Variants in PRKCE observed in about 807,000 individuals in gnomAD.
The protein encoded by PRKCE is protein kinase C epsilon.
A neutral mutation model predicts 85.4 loss-of-function variants in PRKCE; 16 were observed. That is an observed-to-expected ratio of 0.19 (90% confidence interval 0.13 to 0.28). PRKCE has a LOEUF of 0.28. Among genes scored for constraint, PRKCE ranks in the 10% least tolerant of loss-of-function variants. The pLI is 1.00. For synonymous variants in PRKCE, 388 were observed against 371.5 expected, an observed-to-expected ratio of 1.04 and a Z score of -0.51; for missense variants, 573 against 975.2, an observed-to-expected ratio of 0.59 and a Z score of 5.49.
At chr2:46,144,133 T>A (rs1173948629) in intron 11 of PRKCE, among the ~76,000 whole-genome samples, 3 of 152,160 alleles carry the variant, frequency 2.0e-5, no homozygotes, top group Admixed American at 6.5e-5. Flanking sequence ...AACCCCAAAG[T>A]GTAAAACAGG....
chr2:45,723,538 C>T (rs1406999777), intron 1 of PRKCE, among the ~76,000 whole-genome samples: 1 of 152,196 alleles, frequency 6.6e-6, no homozygotes, highest in Admixed American at 6.5e-5. Flanking sequence ...ACCGTTCCTT[C>T]TGCCCAGTGT....
At chr2:45,741,319 G>A (rs1204694411) in intron 1 of PRKCE, among the ~76,000 whole-genome samples, 4 of 152,178 alleles carry the variant, frequency 2.6e-5, no homozygotes, top group Middle Eastern at 3.2e-3. Flanking sequence ...TTTTCCTCAT[G>A]GTTGTTTATA....
chr2:46,020,558 A>G (rs1459771618), intron 10 of PRKCE, among the ~76,000 whole-genome samples: 1 of 152,210 alleles, frequency 6.6e-6, no homozygotes, highest in Non-Finnish European at 1.5e-5. Context: ...CAGATTCAAG[A>G]TTCTGGTATT....
chr2:45,988,955 C>G (rs1251213527), intron 6 of PRKCE, among the ~76,000 whole-genome samples: 1 of 152,136 alleles, frequency 6.6e-6, no homozygotes, highest in African/African-American at 2.4e-5. Context: ...GCAGAGACAC[C>G]CAATACCCTT....
At chr2:45,814,416 C>G (rs1382196141) in intron 1 of PRKCE, among the ~76,000 whole-genome samples, 1 of 152,238 alleles carries the variant, frequency 6.6e-6, no homozygotes, top group African/African-American at 2.4e-5. Context: ...CTGATTGCAG[C>G]TGGAGGTCAG....
chr2:45,654,640 C>G (rs1675296166), intron 1 of PRKCE, among the ~76,000 whole-genome samples: 1 of 152,174 alleles, frequency 6.6e-6, no homozygotes, highest in African/African-American at 2.4e-5. Context: ...TCTCTTTTGC[C>G]TTATAGCAAC....
rs1677587946 is a variant in PRKCE, at chr2:46,159,904, T to C, written c.2067+152T>C. The C allele has an allele frequency of 1.1e-6, 1 of 896,842 alleles. No homozygotes were observed. Among genetic ancestry groups the C allele is most frequent in the South Asian group, 1.9e-5 (1 of 53,020 alleles). The allele number at this position is 896,842 out of a possible 1,614,324, so 55.6% of individuals were successfully genotyped here. On this transcript the variant is annotated intron_variant, in intron 14 of 14. Coordinates refer to ENST00000306156, the MANE Select transcript of PRKCE (RefSeq NM_005400.3). The surrounding 1 kb of genome is among the most constrained non-coding windows in gnomAD (Gnocchi z 4.1). ...GTGGCTGAGGCTCTCCCTAAGACAA[T>C]GTCTTTAGGCCCCAAGTGTTTACTA...
chr2:45,837,088 A>G (rs888279664), intron 1 of PRKCE, among the ~76,000 whole-genome samples: 2 of 152,216 alleles, frequency 1.3e-5, no homozygotes, highest in African/African-American at 2.4e-5. Context: ...GTAGGTGTAC[A>G]GATAACCTGT....
intron 10 of PRKCE, among the ~76,000 whole-genome samples, chr2:46,028,857 G>C (rs1001844942): frequency 4.6e-5 from 7 of 152,100 alleles, no homozygotes; most frequent in African/African-American, 1.7e-4. Context: ...TCCCCTCTAT[G>C]TGTCCATGTA....
intron 1 of PRKCE, among the ~76,000 whole-genome samples, chr2:45,825,699 C>T (rs1001080504): frequency 1.3e-5 from 2 of 152,060 alleles, no homozygotes; most frequent in African/African-American, 2.4e-5. Context: ...GCCTGGGTAA[C>T]GTAGCGAGAC....
chr2:45,805,986 C>T (rs757466166), intron 1 of PRKCE, among the ~76,000 whole-genome samples: 32 of 152,338 alleles, frequency 2.1e-4, no homozygotes, highest in South Asian at 4.1e-4. Context: ...TGCCCAAGGT[C>T]TCACAGCCAT....
chr2:46,130,095 G>C (rs2104399372), intron 11 of PRKCE, among the ~76,000 whole-genome samples: 1 of 152,152 alleles, frequency 6.6e-6, no homozygotes, highest in South Asian at 2.1e-4. Flanking sequence ...TTTTGTTCTT[G>C]TGTATTCTTA....
At chr2:45,678,040 C>A in intron 1 of PRKCE, 1 of 308,460 alleles carries the variant, frequency 3.2e-6, no homozygotes, top group Non-Finnish European at 4.7e-6. Context: ...TGGTTCTACA[C>A]CGAGCCAGGG....
At chr2:45,723,117 AG>A (rs1200445912) in intron 1 of PRKCE, among the ~76,000 whole-genome samples, 1 of 152,156 alleles carries the variant, frequency 6.6e-6, no homozygotes, top group African/African-American at 2.4e-5. Context: ...AAAAACAAAA[AG>A]ATAAGTTAAC....
intron 2 of PRKCE, among the ~76,000 whole-genome samples, chr2:45,916,462 CT>C (rs1340961254): frequency 1.3e-5 from 2 of 152,030 alleles, no homozygotes; most frequent in African/African-American, 4.8e-5. Flanking sequence ...CCAGGATGGT[CT>C]TTTAATTCCT....
chr2:45,955,704 C>G (rs1015979793), intron 2 of PRKCE, among the ~76,000 whole-genome samples: 1 of 152,094 alleles, frequency 6.6e-6, no homozygotes, highest in Non-Finnish European at 1.5e-5. Context: ...GATGTTCATT[C>G]TAAATTGCGC....
intron 3 of PRKCE, among the ~76,000 whole-genome samples, chr2:45,977,422 A>G (rs1475890180): frequency 6.6e-6 from 1 of 152,048 alleles, no homozygotes; most frequent in Non-Finnish European, 1.5e-5. Flanking sequence ...AGATTGCTTG[A>G]GGTCAGGAGT....
intron 10 of PRKCE, among the ~76,000 whole-genome samples, chr2:46,050,217 C>G (rs1010719193): frequency 2.0e-5 from 3 of 152,218 alleles, no homozygotes; most frequent in Non-Finnish European, 4.4e-5. Context: ...GACAAAGGCA[C>G]TGCTGCCAAG....
At chr2:45,861,049 G>C (rs1013927266) in intron 2 of PRKCE, among the ~76,000 whole-genome samples, 1 of 152,212 alleles carries the variant, frequency 6.6e-6, no homozygotes, top group Non-Finnish European at 1.5e-5. Flanking sequence ...GGCAGAGGAA[G>C]GGCCTCGGTA....
Sources: gnomAD v4.1 joint callset for allele counts (sites outside exome capture counted in the v4.1 genomes callset) on GRCh38, gnomAD v4.1.1 for gene constraint, Gnocchi (gnomAD v3.1) non-coding constraint, MANE v1.5 for transcripts, NCBI Gene and HGNC (gene_info 2026-07-23, HGNC 2026-07-21) for gene names.